The following STKLD1 variants were observed in gnomAD, a reference collection of about 807,000 sequenced individuals.
STKLD1 encodes serine/threonine kinase like domain containing 1, also known as serine/threonine kinase-like domain-containing protein STKLD1.
In STKLD1, 79 loss-of-function variants were observed where a neutral mutation model predicts 80.4. The ratio of observed to expected loss-of-function variants is 0.98; its 90% CI spans 0.82 to 1.19. STKLD1 has a LOEUF of 1.19. Ranked by LOEUF, STKLD1 falls within the 50% of genes most tolerant of loss-of-function variation. The probability of loss-of-function intolerance (pLI) is 0.00; values close to 1 mark genes in which losing one functional copy is unlikely to be tolerated. For missense variants in STKLD1, 841 were observed against 856.0 expected (o/e 0.98, Z 0.22); for synonymous variants, 393 against 357.6 (o/e 1.10, Z -1.12).
intron 2 of STKLD1, among the ~76,000 whole-genome samples, chr9:133,380,105 A>G (rs2119205140): frequency 6.6e-6 from 1 of 152,084 alleles, no homozygotes; most frequent in African/African-American, 2.4e-5. Flanking sequence ...GTGTGATCTC[A>G]GCTCACTGCA....
intron 7 of STKLD1, among the ~76,000 whole-genome samples, chr9:133,391,193 C>G (rs1168481663): frequency 7.4e-5 from 11 of 148,482 alleles, no homozygotes; most frequent in African/African-American, 2.5e-4. Flanking sequence ...AGGTGGGGGG[C>G]TCAGCCCCCC....
intron 17 of STKLD1, 37 bp from the exon 18 acceptor site, chr9:133,405,215 G>A (rs782436912): frequency 2.6e-6 from 4 of 1,557,646 alleles, no homozygotes; most frequent in Non-Finnish European, 3.5e-6. Context: ...GGCACAGGAA[G>A]GACTCTGGCC....
chr9:133,399,810 C>T (rs958726752), intron 11 of STKLD1, among the ~76,000 whole-genome samples: 4 of 146,710 alleles, frequency 2.7e-5, no homozygotes, highest in African/African-American at 5.0e-5. Context: ...ACCCAGGAGG[C>T]GGAGGTTGCA....
chr9:133,400,552 T>C (rs782100508), intron 12 of STKLD1, 23 bp downstream of exon 12: 2 of 1,580,176 alleles, frequency 1.3e-6, no homozygotes, highest in East Asian at 2.2e-5. Flanking sequence ...CCAGGCCAGA[T>C]GGGGTCGGGG....
intron 17 of STKLD1, 43 bp from the exon 18 acceptor site, chr9:133,405,209 C>T (rs1554778475): frequency 1.3e-6 from 2 of 1,551,568 alleles, no homozygotes; most frequent in Admixed American, 1.9e-5. Context: ...GCAAGGGGCA[C>T]AGGAAGGACT....
intron 7 of STKLD1, among the ~76,000 whole-genome samples, chr9:133,392,631 A>G (rs1181862193): frequency 2.5e-5 from 2 of 78,440 alleles, no homozygotes; most frequent in Admixed American, 1.4e-4. Context: ...GGATGGATGG[A>G]TGGATGGATA....
Position 133,389,461 on chromosome 9 carries a change from T to A in STKLD1, c.397-65T>A, listed in dbSNP as rs1309143198. The A allele has an allele frequency of 6.3e-7, 1 of 1,587,010 alleles. No individual in the cohort carries two copies. Among genetic ancestry groups the A allele is most frequent in the Non-Finnish European group, 8.6e-7 (1 of 1,167,112 alleles). On this transcript the variant is annotated intron_variant, in intron 5 of 17. Coordinates refer to ENST00000371957, the MANE Select transcript of STKLD1 (RefSeq NM_153710.5). The surrounding 1 kb of genome is among the most constrained non-coding windows in gnomAD (Gnocchi z 6.4). ...CCACCATCCTGCTGGCTGCTCTGAGTGTCACCCCCCTGAAAGCAGCACAGG... is the reference window on the plus strand; with the variant it reads ...CCACCATCCTGCTGGCTGCTCTGAGAGTCACCCCCCTGAAAGCAGCACAGG...
chr9:133,378,782 G>A (rs1838065733), intron 1 of STKLD1, among the ~76,000 whole-genome samples: 1 of 152,198 alleles, frequency 6.6e-6, no homozygotes, highest in Non-Finnish European at 1.5e-5. Flanking sequence ...GGTCCTCATT[G>A]CAGGTTGGGG....
chr9:133,389,336 C>T lies in STKLD1; in HGVS notation c.397-190C>T. The T allele has an allele frequency of 1.0e-6, 1 of 985,382 alleles. No individual in the cohort carries two copies. Among genetic ancestry groups the T allele is most frequent in the Non-Finnish European group, 1.2e-6 (1 of 829,910 alleles). The allele number at this position is 985,382 out of a possible 1,614,324, so 61.0% of individuals were successfully genotyped here. A position where few individuals can be genotyped will look rare whatever the true frequency, so the allele number is the denominator to read the frequency against. ...AAACTCAGAGTCCTTCTGGCTGCCG[C>T]CGCGGCTTTACCATCTGGAGAGCCA... On this transcript the variant is annotated intron_variant, in intron 5 of 17. Coordinates refer to ENST00000371957, the MANE Select transcript of STKLD1 (RefSeq NM_153710.5). This position sits in a 1 kb window ranked among gnomAD's most constrained non-coding sequence, Gnocchi z 6.4.
chr9:133,403,048 G>C, intron 14 of STKLD1, 36 bp downstream of exon 14: 1 of 1,535,142 alleles, frequency 6.5e-7, no homozygotes, highest in Non-Finnish European at 8.8e-7. Context: ...CACCGGGGCT[G>C]GCAGCCCTCC....
rs2130279869 is a variant in STKLD1 at position 133,387,522 on chromosome 9, A to G, written c.370A>G (p.Lys124Glu). 2 of 1,613,962 alleles carry G rather than the reference A, an allele frequency of 1.2e-6. No individual in the cohort carries two copies. Among genetic ancestry groups the G allele is most frequent in the African/African-American group, 2.7e-5 (2 of 75,016 alleles). Reference sequence around the variant, plus strand: ...CCAGGAGGTCATTGAGGATAAGAGGAAGGCAAAGAAAATCATTGACTCTGA... The same window carrying G: ...CCAGGAGGTCATTGAGGATAAGAGGGAGGCAAAGAAAATCATTGACTCTGA... ...SFQEVIEDKR[K>E]AKKIIDSEWM... The change falls in exon 5 of 18, where the codon AAG (lysine) becomes GAG (glutamate). Residue 124 changes from lysine to glutamate, a missense_variant. Transcript: ENST00000371957.
intron 2 of STKLD1, among the ~76,000 whole-genome samples, chr9:133,381,131 C>CTTTTTTTTT (rs35031853): frequency 1.4e-4 from 10 of 69,170 alleles, no homozygotes; most frequent in African/African-American, 2.4e-4. Context: ...TACGATGTAA[C>CTTTTTTTTT]TTTTTTTTTT....
chr9:133,389,497 C>A lies in STKLD1; in HGVS notation c.397-29C>A. 1 of 1,611,272 alleles carries A rather than the reference C, an allele frequency of 6.2e-7. No individual in the cohort carries two copies. The highest frequency in any genetic ancestry group is 1.1e-5 in the South Asian group (1 of 90,622). ...TGAAAGCAGCACAGGGTGCCCCTCC[C>A]ATCCTGGCACCCCCTACTTCTCCCC... On this transcript the variant is annotated intron_variant, in intron 5 of 17. Transcript: ENST00000371957. The surrounding 1 kb of genome is among the most constrained non-coding windows in gnomAD (Gnocchi z 6.4).
rs2130274465 is a variant in STKLD1, at chr9:133,385,451, G to T, written c.220-166G>T. On this transcript the variant is annotated intron_variant, in intron 3 of 17. Coordinates refer to ENST00000371957, the MANE Select transcript of STKLD1 (RefSeq NM_153710.5). The surrounding 1 kb of genome is among the most constrained non-coding windows in gnomAD (Gnocchi z 4.9). ...TCATGCTGGAGACAGGACCCACATC[G>T]GACTGCCTGGCTCCCAACCACCGTG... 2.0e-4 allele frequency among the ~76,000 whole-genome samples: 30 copies of T among 152,170 alleles called. No individual in the cohort carries two copies. Among genetic ancestry groups the T allele is most frequent in the African/African-American group, 7.2e-4 (30 of 41,424 alleles).
chr9:133,383,232 T>TGGC (rs1838182789), intron 2 of STKLD1, among the ~76,000 whole-genome samples: 1 of 145,756 alleles, frequency 6.9e-6, no homozygotes. Context: ...ATGGTGATGA[T>TGGC]AGTGATGATG....
At position 133,394,139 on chromosome 9, in the gene STKLD1, C is replaced by T. The variant is rs587755260; in HGVS notation, c.584-152C>T. 38 of 667,264 alleles carry T rather than the reference C, an allele frequency of 5.7e-5. 1 individual carries two copies. In the East Asian group the frequency reaches 8.5e-4, roughly 15 times the overall value. The allele number at this position is 667,264 out of a possible 1,614,324, so 41.3% of individuals were successfully genotyped here. The stretch of plus-strand genomic sequence containing the variant: ...TCCTCCCCACAGTTAATATTCTCCA[C>T]CTCTTCTGAGAAGAGGACCTGCAGG... On this transcript the variant is annotated intron_variant, in intron 7 of 17. Coordinates refer to ENST00000371957, the MANE Select transcript of STKLD1 (RefSeq NM_153710.5). The surrounding 1 kb of genome is among the most constrained non-coding windows in gnomAD (Gnocchi z 4.9).
intron 2 of STKLD1, among the ~76,000 whole-genome samples, 155 bp downstream of exon 2, chr9:133,379,277 T>A (rs2130260314): frequency 6.6e-6 from 1 of 152,246 alleles, no homozygotes; most frequent in East Asian, 1.9e-4. Context: ...GGGGTAGATG[T>A]GGGGGTGCGT....
chr9:133,389,706 C>A lies in STKLD1; in HGVS notation c.467+110C>A. The stretch of plus-strand genomic sequence containing the variant: ...GGCAGGATCTGGGGAGAAAGGTGCA[C>A]CGGGCCAGTGCAGCCAGGATAGGAT... On this transcript the variant is annotated intron_variant, in intron 6 of 17. Coordinates refer to ENST00000371957, the MANE Select transcript of STKLD1 (RefSeq NM_153710.5). The surrounding 1 kb of genome is among the most constrained non-coding windows in gnomAD (Gnocchi z 6.4). 6.6e-7 allele frequency: 1 copy of A among 1,520,746 alleles called. No individual in the cohort carries two copies. The highest frequency in any genetic ancestry group is 8.9e-7 in the Non-Finnish European group (1 of 1,125,180). 94.2% of individuals were successfully genotyped at this position (1,520,746 alleles called of 1,614,324 possible).
Position 133,404,057 on chromosome 9 carries a change from G to A in STKLD1, c.1732+9G>A, listed in dbSNP as rs782212246. On this transcript the variant is annotated intron_variant, in intron 16 of 17. Transcript: ENST00000371957. ...CCTGGTGAAGGTGTCAGGTGAGCCTGGGGACAGGACGAGGCTGCCACCTAG... is the reference window on the plus strand; with the variant it reads ...CCTGGTGAAGGTGTCAGGTGAGCCTAGGGACAGGACGAGGCTGCCACCTAG... 7 of 1,589,722 alleles carry A rather than the reference G, an allele frequency of 4.4e-6. No homozygotes were observed. The highest frequency in any genetic ancestry group is 6.0e-6 in the Non-Finnish European group (7 of 1,169,044).
Sources: gnomAD v4.1 joint callset for allele counts (sites outside exome capture counted in the v4.1 genomes callset) on GRCh38, gnomAD v4.1.1 for gene constraint, Gnocchi (gnomAD v3.1) non-coding constraint, MANE v1.5 for transcripts, NCBI Gene and HGNC (gene_info 2026-07-23, HGNC 2026-07-21) for gene names.